Variants in AGBL1 observed in about 807,000 individuals in gnomAD.
AGBL1 encodes the protein cytosolic carboxypeptidase 4.
Under a neutral mutation model 118.9 loss-of-function variants are expected in AGBL1, and 130 were observed. The observed-to-expected ratio is 1.09, with a 90% CI of 0.95 to 1.26. The LOEUF is 1.26. Among genes scored for constraint, AGBL1 ranks in the 50% most tolerant of loss-of-function variants. The pLI, the probability that AGBL1 is intolerant of heterozygous loss-of-function variation, is 0.00. For synonymous variants in AGBL1, 555 were observed against 478.9 expected, an observed-to-expected ratio of 1.16 and a Z score of -2.08; for missense variants, 1,584 against 1,298.1, an observed-to-expected ratio of 1.22 and a Z score of -3.38.
intron 22 of AGBL1, among the ~76,000 whole-genome samples, chr15:86,752,322 T>G (rs1343919254): frequency 6.6e-6 from 1 of 152,142 alleles, no homozygotes; most frequent in Non-Finnish European, 1.5e-5. Flanking sequence ...AACTAGCATT[T>G]GTAGCCTGTG....
chr15:86,161,028 G>A lies in AGBL1; in HGVS notation c.488+2002G>A, dbSNP rs112291911. Reference sequence around the variant, plus strand: ...ATTTTTAATGCTTTCTTTTCCTCCTGCAAAGGGAGTTGAATTCAGGCACAG... The same window carrying A: ...ATTTTTAATGCTTTCTTTTCCTCCTACAAAGGGAGTTGAATTCAGGCACAG... On this transcript the variant is annotated intron_variant, in intron 5 of 22. Transcript: ENST00000614907. 8.4e-3 allele frequency among the ~76,000 whole-genome samples: 1,282 copies of A among 152,254 alleles called. 21 individuals are homozygous for A. The highest frequency in any genetic ancestry group is 0.03 in the African/African-American group (1,235 of 41,544).
chr15:86,283,720 G>A (rs961117753), intron 16 of AGBL1, among the ~76,000 whole-genome samples: 4 of 152,026 alleles, frequency 2.6e-5, no homozygotes, highest in Non-Finnish European at 5.9e-5. Flanking sequence ...TCCTTGTATA[G>A]GCCAAACAAA....
chr15:86,726,775 A>C (rs2086824777), intron 22 of AGBL1, among the ~76,000 whole-genome samples: 1 of 152,070 alleles, frequency 6.6e-6, no homozygotes, highest in Non-Finnish European at 1.5e-5. Flanking sequence ...GGCTGGTCTC[A>C]AACTCATGGG....
chr15:86,554,885 G>A (rs577851642), intron 21 of AGBL1, among the ~76,000 whole-genome samples: 10 of 152,224 alleles, frequency 6.6e-5, no homozygotes, highest in African/African-American at 1.4e-4. Flanking sequence ...TGCAACAAGT[G>A]GACTAGTTCT....
chr15:86,126,372 A>G (rs559308966), intron 1 of AGBL1, among the ~76,000 whole-genome samples: 12 of 152,276 alleles, frequency 7.9e-5, no homozygotes, highest in Admixed American at 2.0e-4. Context: ...ATTATTGACA[A>G]CCAAGAATCC....
chr15:86,257,821 G>T, intron 8 of AGBL1, 143 bp from the exon 9 acceptor site: 1 of 725,710 alleles, frequency 1.4e-6, no homozygotes, highest in South Asian at 1.8e-5. Flanking sequence ...AAGCATTTGT[G>T]TGTGGTGGGA....
At chr15:86,967,665 A>G (rs1394373131) in intron 23 of AGBL1, among the ~76,000 whole-genome samples, 3 of 152,008 alleles carry the variant, frequency 2.0e-5, no homozygotes, top group Admixed American at 6.6e-5. Context: ...TGAGGGTTCT[A>G]TTCTGTTCCA....
intron 22 of AGBL1, among the ~76,000 whole-genome samples, chr15:86,840,124 T>C (rs958186435): frequency 3.9e-5 from 6 of 152,242 alleles, no homozygotes; most frequent in Non-Finnish European, 8.8e-5. Flanking sequence ...GCTTCAATTC[T>C]GAAATCTAAT....
intron 17 of AGBL1, among the ~76,000 whole-genome samples, chr15:86,324,790 A>G (rs1175593332): frequency 6.6e-6 from 1 of 152,228 alleles, no homozygotes; most frequent in Non-Finnish European, 1.5e-5. Context: ...ATTTAAGCCA[A>G]TACCCCAACC....
chr15:86,922,675 C>T (rs1485564035), intron 23 of AGBL1, among the ~76,000 whole-genome samples: 1 of 152,144 alleles, frequency 6.6e-6, no homozygotes, highest in African/African-American at 2.4e-5. Context: ...TAAATTATAC[C>T]ACTAAATGAC....
At position 86,915,010 on chromosome 15, in the gene AGBL1, C is replaced by T. The variant is rs551566453; in HGVS notation, c.*7716C>T. ...CTTGATTATGCCGATAGTAAACCGG[C>T]GTTGTTTGATTTATTTGTGTGCCAG... On this transcript the variant is annotated 3_prime_UTR_variant, in exon 23 of 23. Transcript: ENST00000614907. The T allele has an allele frequency of 7.9e-5, 12 of 152,254 alleles. No homozygotes were observed. The highest frequency in any genetic ancestry group is 1.9e-4 in the African/African-American group (8 of 41,550). The allele number at this position is 152,254 out of a possible 1,614,324, so 9.4% of individuals were successfully genotyped here. A position where few individuals can be genotyped will look rare whatever the true frequency, so the allele number is the denominator to read the frequency against.
intron 21 of AGBL1, among the ~76,000 whole-genome samples, chr15:86,596,182 C>T (rs1001763211): frequency 2.6e-5 from 4 of 152,008 alleles, no homozygotes; most frequent in Non-Finnish European, 4.4e-5. Flanking sequence ...TTGGCGTGTG[C>T]CTGTAGTCCC....
intron 23 of AGBL1, among the ~76,000 whole-genome samples, chr15:86,964,031 CTG>C (rs1555466861): frequency 2.2e-4 from 32 of 146,270 alleles, no homozygotes; most frequent in East Asian, 1.6e-3. Context: ...CTCTCTCTCT[CTG>C]TGTGTGTGTG....
intron 16 of AGBL1, among the ~76,000 whole-genome samples, chr15:86,290,461 C>T (rs960963354): frequency 1.3e-5 from 2 of 151,078 alleles, no homozygotes; most frequent in African/African-American, 4.9e-5. Flanking sequence ...AGTGATCCTC[C>T]CACCTCAGCC....
rs114014822 is a variant in AGBL1, at chr15:86,546,283, C to T, written c.2817+150C>T. ...TCTAACCATAGGATTGTAATACAAG[C>T]AGGCTGGAAGCATGTGTAACCTCTC... On this transcript the variant is annotated intron_variant, in intron 20 of 22. Coordinates refer to ENST00000614907, the MANE Select transcript of AGBL1 (RefSeq NM_001386094.1). 6.0e-6 allele frequency: 6 copies of T among 995,306 alleles called. No homozygotes were observed. In the African/African-American group the frequency reaches 9.8e-5, roughly 16 times the overall value. 61.7% of individuals were successfully genotyped at this position (995,306 alleles called of 1,614,324 possible). A position where few individuals can be genotyped will look rare whatever the true frequency, so the allele number is the denominator to read the frequency against.
chr15:86,769,403 A>G (rs1567165329), intron 22 of AGBL1, among the ~76,000 whole-genome samples: 1 of 151,910 alleles, frequency 6.6e-6, no homozygotes, highest in Admixed American at 6.6e-5. Flanking sequence ...TTTGGCTATA[A>G]ATGCCTTTGC....
chr15:86,377,211 A>C (rs891649511), intron 17 of AGBL1, among the ~76,000 whole-genome samples: 1 of 152,326 alleles, frequency 6.6e-6, no homozygotes, highest in Non-Finnish European at 1.5e-5. Context: ...CAAGAGATGG[A>C]TTTTAAAAAT....
At position 86,234,976 on chromosome 15, in the gene AGBL1, A is replaced by G. The variant is rs1478776502; in HGVS notation, c.526+10025A>G. On this transcript the variant is annotated intron_variant, in intron 6 of 22. Transcript: ENST00000614907. ...TTTAGAGTCTGTCTTTTTTTCAAGA[A>G]GCTTTTTCTGTAAAAGCGCCAGATG... 2.6e-5 allele frequency among the ~76,000 whole-genome samples: 4 copies of G among 152,222 alleles called. No individual in the cohort carries two copies. In the East Asian group the frequency reaches 7.7e-4, roughly 29 times the overall value.
At chr15:86,588,563 GA>G (rs2084287718) in intron 21 of AGBL1, among the ~76,000 whole-genome samples, 1 of 152,178 alleles carries the variant, frequency 6.6e-6, no homozygotes, top group Non-Finnish European at 1.5e-5. Context: ...TATGCAGATA[GA>G]ACTCATTTGC....
Sources: allele counts gnomAD v4.1 joint callset (sites outside exome capture counted in the v4.1 genomes callset), GRCh38; gene constraint gnomAD v4.1.1; transcripts MANE v1.5; gene names NCBI Gene and HGNC (gene_info 2026-07-23, HGNC 2026-07-21).